The following EPB41L1 variants were observed in gnomAD, a reference collection of about 807,000 sequenced individuals.
EPB41L1 encodes the protein erythrocyte membrane protein band 4.1 like 1, also known as band 4.1-like protein 1.
In EPB41L1, 29 loss-of-function variants were observed where a neutral mutation model predicts 97.8. That is an observed-to-expected ratio of 0.30 (90% CI 0.22 to 0.40). The LOEUF is 0.40. Ranked by LOEUF, EPB41L1 falls within the 10% of genes least tolerant of loss-of-function variation. EPB41L1 has a pLI of 1.00. For missense variants in EPB41L1, 812 were observed against 1,162.3 expected (o/e 0.70, Z 4.38); for synonymous variants, 383 against 459.2 (o/e 0.83, Z 2.12).
rs776473807 is a variant in EPB41L1, at chr20:36,218,963, G to A, written c.2355+1G>A. On this transcript the variant is annotated splice_donor_variant, in intron 18 of 21. Coordinates refer to ENST00000338074, the MANE Select transcript of EPB41L1 (RefSeq NM_012156.2). LOFTEE classifies it high-confidence loss of function. ...CACGGAAATCCGTTCTCTTTCTCCG[G>A]TAAGTGGGCAAGGCCAGCTCAGGCT... 5.6e-6 allele frequency: 9 copies of A among 1,614,054 alleles called. No individual in the cohort carries two copies. Among genetic ancestry groups the A allele is most frequent in the Non-Finnish European group, 7.6e-6 (9 of 1,179,992 alleles).
chr20:36,212,302 A>G lies in EPB41L1; in HGVS notation c.2110A>G (p.Ser704Gly). The G allele has an allele frequency of 6.2e-7, 1 of 1,614,212 alleles. No individual in the cohort carries two copies. The highest frequency in any genetic ancestry group is 8.5e-7 in the Non-Finnish European group (1 of 1,180,038). The change falls in exon 16 of 22, where the codon AGT (serine) becomes GGT (glycine). Residue 704 changes from serine to glycine, a missense_variant. Around this residue, in one of 3 missense-constraint regions of EPB41L1, gnomAD observed 498 missense variants for 622.7 expected, o/e 0.80. Transcript: ENST00000338074. This position sits in a 1 kb window ranked among gnomAD's most constrained non-coding sequence, Gnocchi z 4.8. ...GAAAACAGAAACCATGACTGTCAGCAGTCTGGCCATTAGAAAGAAGATTGA... is the reference window on the plus strand; with the variant it reads ...GAAAACAGAAACCATGACTGTCAGCGGTCTGGCCATTAGAAAGAAGATTGA... ...PVKTETMTVS[S>G]LAIRKKIEPE...
At chr20:36,184,954 A>T (rs530103909) in intron 6 of EPB41L1, among the ~76,000 whole-genome samples, 163 bp from the exon 7 acceptor site, 1 of 152,268 alleles carries the variant, frequency 6.6e-6, no homozygotes, top group African/African-American at 2.4e-5. Flanking sequence ...TTGCAAAACC[A>T]TCTCATGAGA....
At chr20:36,100,225 C>T (rs981401422) in intron 1 of EPB41L1, among the ~76,000 whole-genome samples, 1 of 152,230 alleles carries the variant, frequency 6.6e-6, no homozygotes, top group African/African-American at 2.4e-5. Context: ...CCTTTCCCCC[C>T]ACACTGGGGA....
In EPB41L1 at chr20:36,195,803, C is replaced by G. The variant is rs962066290; in HGVS notation, c.1485+439C>G. ...TCTCGCCTCCATCTCGTCTGTGTCC[C>G]CTGTGTCCTCACCCCTAGCTTCTTT... On this transcript the variant is annotated intron_variant, in intron 13 of 21. Transcript: ENST00000338074. The surrounding 1 kb of genome is among the most constrained non-coding windows in gnomAD (Gnocchi z 4.6). 2.0e-5 allele frequency among the ~76,000 whole-genome samples: 3 copies of G among 152,166 alleles called. No individual in the cohort carries two copies. Among genetic ancestry groups the G allele is most frequent in the African/African-American group, 7.2e-5 (3 of 41,428 alleles).
chr20:36,133,645 T>C (rs2059305447), intron 2 of EPB41L1, among the ~76,000 whole-genome samples: 1 of 152,148 alleles, frequency 6.6e-6, no homozygotes, highest in Non-Finnish European at 1.5e-5. Flanking sequence ...TAGCTTGAGC[T>C]CACGAGTTTG....
intron 1 of EPB41L1, among the ~76,000 whole-genome samples, chr20:36,105,633 G>A (rs76042848): frequency 0.02 from 3,094 of 152,278 alleles, 115 homozygotes; most frequent in African/African-American, 0.071. Context: ...GGGAGTGATG[G>A]GAAGAAGGAG....
At position 36,111,823 on chromosome 20, in the gene EPB41L1, G is replaced by A. The variant is rs189481927; in HGVS notation, c.-64-603G>A. On this transcript the variant is annotated intron_variant, in intron 1 of 19. Coordinates refer to the EPB41L1 transcript ENST00000202028. Reference sequence around the variant, plus strand: ...AAAAAAAGAGAAAAGAAAAGACTCCGAGGGATCACTGATTCCAACCATATT... The same window carrying A: ...AAAAAAAGAGAAAAGAAAAGACTCCAAGGGATCACTGATTCCAACCATATT... 6.0e-4 allele frequency among the ~76,000 whole-genome samples: 90 copies of A among 150,372 alleles called. 1 individual carries two copies. The East Asian group carries it at 0.012, about 21-fold the overall frequency.
At chr20:36,202,578 G>C (rs2062555537) in intron 14 of EPB41L1, among the ~76,000 whole-genome samples, 1 of 152,042 alleles carries the variant, frequency 6.6e-6, no homozygotes, top group African/African-American at 2.4e-5. Context: ...TGGATCACCT[G>C]AGGTCAGGAG....
Position 36,132,555 on chromosome 20 carries a change from C to T in EPB41L1, c.-10+20075C>T, listed in dbSNP as rs1016451952. Among the ~76,000 whole-genome samples, 98 of 80,356 alleles carry T rather than the reference C, an allele frequency of 1.2e-3. 1 individual carries two copies. Among genetic ancestry groups the T allele is most frequent in the African/African-American group, 5.0e-3 (95 of 18,998 alleles). 52.7% of individuals were successfully genotyped at this position (80,356 alleles called of 152,430 possible). A position where few individuals can be genotyped will look rare whatever the true frequency, so the allele number is the denominator to read the frequency against. On this transcript the variant is annotated intron_variant, in intron 2 of 19. Coordinates refer to the EPB41L1 transcript ENST00000202028. The stretch of plus-strand genomic sequence containing the variant: ...CTGATTCTGGGGATGAAGACATGGA[C>T]ATCTTTGTGGGCGGGGGGGGGGGGC...
intron 2 of EPB41L1, among the ~76,000 whole-genome samples, chr20:36,129,429 G>A (rs928810331): frequency 1.3e-5 from 2 of 152,056 alleles, no homozygotes; most frequent in Non-Finnish European, 2.9e-5. Flanking sequence ...TTTTTCAGAC[G>A]CCTTCCTGGG....
chr20:36,171,581 T>G (rs936864782), intron 1 of EPB41L1, among the ~76,000 whole-genome samples: 5 of 152,208 alleles, frequency 3.3e-5, no homozygotes, highest in African/African-American at 1.2e-4. Context: ...TTATCCACTC[T>G]GTGGGGGGCT....
At position 36,194,296 on chromosome 20, in the gene EPB41L1, G is replaced by C. The variant is rs1287634359; in HGVS notation, c.1385G>C (p.Gly462Ala). The C allele has an allele frequency of 6.2e-7, 1 of 1,614,038 alleles. No individual in the cohort carries two copies. The highest frequency in any genetic ancestry group is 8.5e-7 in the Non-Finnish European group (1 of 1,180,024). Residue 462 changes from glycine (G) to alanine (A), a missense_variant, in exon 12 of 22, where the codon GGG becomes GCG. Around this residue, in one of 3 missense-constraint regions of EPB41L1, gnomAD observed 498 missense variants for 622.7 expected, o/e 0.80. Transcript: ENST00000338074. ...AAGCGGGATGAGGATGGCGAGTCTG[G>C]GGGGCAACGGTCAGAGGCTGAGGAG... ...GDKRDEDGES[G>A]GQRSEAEEGE...
At chr20:36,176,203 C>T (rs2061221107) in intron 3 of EPB41L1, among the ~76,000 whole-genome samples, 2 of 152,356 alleles carry the variant, frequency 1.3e-5, no homozygotes, top group South Asian at 4.1e-4. Context: ...CACCACGTCA[C>T]AGGGAGGCGG....
intron 1 of EPB41L1, among the ~76,000 whole-genome samples, chr20:36,162,105 G>A (rs1025029458): frequency 1.3e-5 from 2 of 152,184 alleles, no homozygotes; most frequent in African/African-American, 4.8e-5. Context: ...AGGTGCAGGG[G>A]ATAGTCTTCT....
At position 36,174,421 on chromosome 20, in the gene EPB41L1, C is replaced by T. The variant is rs537830170; in HGVS notation, c.177+467C>T. On this transcript the variant is annotated intron_variant, in intron 2 of 21. Coordinates refer to ENST00000338074, the MANE Select transcript of EPB41L1 (RefSeq NM_012156.2). ...CTTAGTAACTGGGATTACAGGCATGCACCACCACGCCTAGCTAATTTATAT... is the reference window on the plus strand; with the variant it reads ...CTTAGTAACTGGGATTACAGGCATGTACCACCACGCCTAGCTAATTTATAT... Among the ~76,000 whole-genome samples the T allele has an allele frequency of 2.6e-5, 4 of 152,190 alleles. No homozygotes were observed. The East Asian group carries it at 7.7e-4, about 29-fold the overall frequency.
At chr20:36,188,944 TA>T (rs2061821478) in intron 9 of EPB41L1, among the ~76,000 whole-genome samples, 1 of 151,052 alleles carries the variant, frequency 6.6e-6, no homozygotes, top group South Asian at 2.1e-4. Context: ...GTCACACAGA[TA>T]AATGAATACA....
chr20:36,156,221 G>A (rs1476917617), intron 1 of EPB41L1, among the ~76,000 whole-genome samples: 1 of 152,226 alleles, frequency 6.6e-6, no homozygotes, highest in Non-Finnish European at 1.5e-5. Flanking sequence ...GGCAACCCAG[G>A]CATAGTATTT....
intron 2 of EPB41L1, chr20:36,121,520 C>T (rs2147674461): frequency 1.3e-5 from 2 of 152,456 alleles, no homozygotes; most frequent in Middle Eastern, 3.4e-3. Context: ...CCTCTTCCTC[C>T]CCATCTACCA....
At chr20:36,182,176 T>C (rs1206908490) in intron 5 of EPB41L1, 96 bp from the exon 6 acceptor site, 10 of 1,025,416 alleles carry the variant, frequency 9.8e-6, no homozygotes, top group Admixed American at 5.2e-5. Flanking sequence ...AGATTATACA[T>C]AGGAGAAACT....
Sources: gnomAD v4.1 joint callset for allele counts (sites outside exome capture counted in the v4.1 genomes callset) on GRCh38, gnomAD v4.1.1 for gene constraint, gnomAD v4.1.1 regional missense constraint, Gnocchi (gnomAD v3.1) non-coding constraint, MANE v1.5 for transcripts, NCBI Gene and HGNC (gene_info 2026-07-23, HGNC 2026-07-21) for gene names.